CCSER1: variants seen among roughly 807,000 people sequenced by gnomAD.
The protein encoded by CCSER1 is coiled-coil serine rich protein 1.
A neutral mutation model predicts 82.0 loss-of-function variants in CCSER1; 41 were observed. That is an observed-to-expected ratio of 0.50 (90% CI 0.39 to 0.65). The LOEUF is 0.65. CCSER1 is among the 30% of genes least tolerant of loss of function. The pLI is 0.00. For missense variants in CCSER1, 1,119 were observed against 1,064.2 expected, an observed-to-expected ratio of 1.05 and a Z score of -0.72; for synonymous variants, 414 against 383.9, an observed-to-expected ratio of 1.08 and a Z score of -0.92.
intron 3 of CCSER1, among the ~76,000 whole-genome samples, chr4:90,383,353 C>T (rs1388621959): frequency 6.6e-6 from 1 of 152,252 alleles, no homozygotes; most frequent in Non-Finnish European, 1.5e-5. Flanking sequence ...ATACGATCAA[C>T]TTTACCCTCA....
At chr4:90,436,209 T>G (rs984189785) in intron 4 of CCSER1, among the ~76,000 whole-genome samples, 3 of 152,158 alleles carry the variant, frequency 2.0e-5, no homozygotes, top group Non-Finnish European at 4.4e-5. Context: ...ATCAGTTATA[T>G]TTAAGTGAGA....
intron 10 of CCSER1, among the ~76,000 whole-genome samples, chr4:91,386,138 G>A (rs561272716): frequency 2.0e-5 from 3 of 151,364 alleles, no homozygotes; most frequent in African/African-American, 7.3e-5. Context: ...CCAGTGAATG[G>A]ACCCAGGGTT....
chr4:91,220,986 A>G (rs553806563), intron 10 of CCSER1, among the ~76,000 whole-genome samples: 1 of 152,302 alleles, frequency 6.6e-6, no homozygotes, highest in South Asian at 2.1e-4. Flanking sequence ...TGACGTATTC[A>G]ATACAGATAT....
At chr4:91,398,497 A>C (rs143311221) in intron 10 of CCSER1, among the ~76,000 whole-genome samples, 100 of 152,058 alleles carry the variant, frequency 6.6e-4, no homozygotes, top group African/African-American at 2.2e-3. Context: ...ATGGTTACTT[A>C]TTTAAAAGAT....
chr4:90,903,539 A>G (rs2150158439), intron 8 of CCSER1, among the ~76,000 whole-genome samples: 1 of 152,268 alleles, frequency 6.6e-6, no homozygotes, highest in East Asian at 1.9e-4. Flanking sequence ...AAAATTAGAA[A>G]TCAATACCAA....
chr4:90,157,432 T>C (rs1289460165), intron 1 of CCSER1, among the ~76,000 whole-genome samples: 1 of 135,396 alleles, frequency 7.4e-6, no homozygotes, highest in Non-Finnish European at 1.8e-5. Context: ...CCTTGCTAGA[T>C]TGGGGAAGTT....
At chr4:90,483,699 C>T (rs1026484139) in intron 5 of CCSER1, among the ~76,000 whole-genome samples, 1 of 152,138 alleles carries the variant, frequency 6.6e-6, no homozygotes, top group Non-Finnish European at 1.5e-5. Context: ...TGAATATTGG[C>T]CCCCACTCTC....
At chr4:90,344,686 A>G (rs1742012389) in intron 3 of CCSER1, among the ~76,000 whole-genome samples, 1 of 152,102 alleles carries the variant, frequency 6.6e-6, no homozygotes, top group African/African-American at 2.4e-5. Context: ...AAAAATTGTT[A>G]AGTTGAACTA....
At chr4:90,815,680 C>A in intron 7 of CCSER1, 82 bp from the exon 8 acceptor site, 2 of 851,522 alleles carry the variant, frequency 2.3e-6, no homozygotes, top group Non-Finnish European at 3.6e-6. Context: ...AATTATCTCC[C>A]ACTGTGTGAA....
At chr4:90,194,537 T>A (rs1736249299) in intron 1 of CCSER1, among the ~76,000 whole-genome samples, 1 of 152,074 alleles carries the variant, frequency 6.6e-6, no homozygotes, top group Non-Finnish European at 1.5e-5. Context: ...TTAATTATAT[T>A]AGAACATTTA....
intron 10 of CCSER1, among the ~76,000 whole-genome samples, chr4:91,332,650 G>A (rs1168500994): frequency 6.6e-6 from 1 of 151,826 alleles, no homozygotes; most frequent in East Asian, 1.9e-4. Context: ...GGAAATAAAA[G>A]GTAAGAATAT....
At chr4:90,207,004 T>G (rs1738976999) in intron 1 of CCSER1, among the ~76,000 whole-genome samples, 1 of 152,090 alleles carries the variant, frequency 6.6e-6, no homozygotes, top group South Asian at 2.1e-4. Flanking sequence ...TTGCAACCCC[T>G]GTTTTTTTTC....
At chr4:91,284,678 T>C (rs1415052889) in intron 10 of CCSER1, among the ~76,000 whole-genome samples, 2 of 152,114 alleles carry the variant, frequency 1.3e-5, no homozygotes, top group Non-Finnish European at 2.9e-5. Context: ...ATAATCATGG[T>C]TGTTTACCTC....
At chr4:90,136,842 T>A (rs1723785293) in intron 1 of CCSER1, among the ~76,000 whole-genome samples, 1 of 152,176 alleles carries the variant, frequency 6.6e-6, no homozygotes, top group South Asian at 2.1e-4. Context: ...ACCATGCATA[T>A]ATCCCAGAAA....
chr4:90,713,800 C>G (rs1306234559), intron 6 of CCSER1, among the ~76,000 whole-genome samples: 3 of 151,982 alleles, frequency 2.0e-5, no homozygotes, highest in African/African-American at 4.8e-5. Flanking sequence ...TAGGTTCAGT[C>G]TCTACATAAT....
chr4:90,323,640 C>G (rs1350662787), intron 3 of CCSER1, among the ~76,000 whole-genome samples: 1 of 152,028 alleles, frequency 6.6e-6, no homozygotes, highest in African/African-American at 2.4e-5. Flanking sequence ...TTGGGCAATG[C>G]AACAGTGTCT....
Position 90,147,266 on chromosome 4 carries a change from G to A in CCSER1, c.-42+19435G>A, listed in dbSNP as rs566035942. Among the ~76,000 whole-genome samples, 94 of 151,156 alleles carry A rather than the reference G, an allele frequency of 6.2e-4. 1 individual carries two copies. Among genetic ancestry groups the A allele is most frequent in the African/African-American group, 1.6e-3 (66 of 41,442 alleles). ...TTTTATTCTCACAACAACCCTATGA[G>A]ATAGGTTTTTAATCCCCATTGTTGT... On this transcript the variant is annotated intron_variant, in intron 1 of 10. Coordinates refer to ENST00000509176, the MANE Select transcript of CCSER1 (RefSeq NM_001145065.2).
At chr4:91,175,700 G>A (rs1201779796) in intron 10 of CCSER1, among the ~76,000 whole-genome samples, 3 of 152,160 alleles carry the variant, frequency 2.0e-5, no homozygotes, top group Admixed American at 2.0e-4. Context: ...ATTTGCTTAA[G>A]TTCTTTGTAG....
At chr4:90,914,127 C>T (rs1726892885) in intron 8 of CCSER1, among the ~76,000 whole-genome samples, 1 of 152,192 alleles carries the variant, frequency 6.6e-6, no homozygotes, top group African/African-American at 2.4e-5. Flanking sequence ...TTGAATTCAG[C>T]TGTGCACCAA....
Sources: allele counts gnomAD v4.1 joint callset (sites outside exome capture counted in the v4.1 genomes callset), GRCh38; gene constraint gnomAD v4.1.1; transcripts MANE v1.5; gene names NCBI Gene and HGNC (gene_info 2026-07-23, HGNC 2026-07-21).